Variants in SLC16A6 observed in about 807,000 individuals in gnomAD.
SLC16A6 encodes monocarboxylate transporter 7.
In SLC16A6, 15 loss-of-function variants were observed where a neutral mutation model predicts 33.8. That is an observed-to-expected ratio of 0.44 (90% CI 0.30 to 0.68). The LOEUF (loss-of-function observed/expected upper bound fraction) is 0.68. SLC16A6 is among the 30% of genes least tolerant of loss of function. The pLI is 0.10. For missense variants in SLC16A6, 451 were observed against 661.5 expected (o/e 0.68, Z 3.49); for synonymous variants, 219 against 248.4 (o/e 0.88, Z 1.11).
rs139160747 is a variant in SLC16A6 at position 68,286,400 on chromosome 17, G to A, written c.-8+4686C>T. ...AAAATCTTACTCATTTTGTAAAATC[G>A]GGAAACTGATCCCCAAGAGGTGAAG... is the stretch of plus-strand genomic sequence containing the variant. On this transcript the variant is annotated intron_variant, in intron 1 of 5. Coordinates refer to ENST00000580666, the MANE Select transcript of SLC16A6 (RefSeq NM_004694.5). Among the ~76,000 whole-genome samples the A allele has an allele frequency of 3.9e-3, 590 of 152,236 alleles. 4 individuals are homozygous for A. The highest frequency in any genetic ancestry group is 4.6e-3 in the Non-Finnish European group (311 of 68,012).
chr17:68,276,659 G>T (rs539145317), intron 2 of SLC16A6, among the ~76,000 whole-genome samples: 2 of 152,172 alleles, frequency 1.3e-5, no homozygotes, highest in East Asian at 3.9e-4. Context: ...TTGCTATGTT[G>T]CCCAGGCTAG....
At chr17:68,287,279 A>G (rs1194046619) in intron 1 of SLC16A6, among the ~76,000 whole-genome samples, 3 of 151,114 alleles carry the variant, frequency 2.0e-5, no homozygotes, top group African/African-American at 7.3e-5. Flanking sequence ...TCTAAACGAT[A>G]GTGCTGGGAT....
At position 68,282,779 on chromosome 17, in the gene SLC16A6, T is replaced by TAAAAAAAAAAAAAAAAAAAAA. The variant is rs36155626; in HGVS notation, c.-7-4473_-7-4453dup. 1.8e-3 allele frequency among the ~76,000 whole-genome samples: 96 copies of TAAAAAAAAAAAAAAAAAAAAA among 53,384 alleles called. 8 individuals are homozygous for TAAAAAAAAAAAAAAAAAAAAA. The highest frequency in any genetic ancestry group is 6.1e-3 in the African/African-American group (66 of 10,772). 35.0% of individuals were successfully genotyped at this position (53,384 alleles called of 152,430 possible). ...CAACATAGTGAAACCCCATCTCTAC[T>TAAAAAAAAAAAAAAAAAAAAA]AAAAAAAAAAAAAAAAAAAAAGGCC... On this transcript the variant is annotated intron_variant, in intron 1 of 5. Coordinates refer to ENST00000580666, the MANE Select transcript of SLC16A6 (RefSeq NM_004694.5).
rs141560525 is a variant in SLC16A6, at chr17:68,273,369, C to T, written c.376+558G>A. 2.3e-3 allele frequency among the ~76,000 whole-genome samples: 347 copies of T among 152,120 alleles called. 3 individuals carry two copies. Among genetic ancestry groups the T allele is most frequent in the African/African-American group, 8.0e-3 (332 of 41,494 alleles). On this transcript the variant is annotated intron_variant, in intron 3 of 5. Transcript: ENST00000580666. ...ATGGTTACAGCTGGGACCACAGGCA[C>T]GCACCACCACGCTTGGCTAGTTTTT... is the stretch of plus-strand genomic sequence containing the variant.
chr17:68,274,862 C>A (rs1555750387), intron 2 of SLC16A6, among the ~76,000 whole-genome samples: 1 of 150,686 alleles, frequency 6.6e-6, no homozygotes, highest in African/African-American at 2.4e-5. Flanking sequence ...CTCACTGCAA[C>A]CTCCACCTCC....
rs782595962 is a variant in SLC16A6, at chr17:68,271,064, C to T, written c.1096G>A (p.Val366Ile). 16 of 1,614,020 alleles carry T rather than the reference C, an allele frequency of 9.9e-6. No individual in the cohort carries two copies. The highest frequency in any genetic ancestry group is 1.6e-4 in the Middle Eastern group (1 of 6,084). The change falls in exon 5 of 6, where the codon GTC becomes ATC. Residue 366 changes from valine to isoleucine, a missense_variant. Around this residue, in one of 2 missense-constraint regions of SLC16A6, gnomAD observed 405 missense variants for 510.7 expected, o/e 0.79. Coordinates refer to ENST00000580666, the MANE Select transcript of SLC16A6 (RefSeq NM_004694.5). The surrounding 1 kb of genome is among the most constrained non-coding windows in gnomAD (Gnocchi z 5.3). ...AACAGAGACACAGTCAATAAGATGA[C>T]GCAGATGAGCTCAATGTAAATCTTA... Reference protein sequence around the residue: ...IRKIYIELICVILLTVSLFAF... With the variant: ...IRKIYIELICIILLTVSLFAF...
At chr17:68,290,854 G>A (rs561821246) in intron 1 of SLC16A6, among the ~76,000 whole-genome samples, 39 of 152,296 alleles carry the variant, frequency 2.6e-4, no homozygotes, top group African/African-American at 9.1e-4. Flanking sequence ...CAGGGTCACG[G>A]ACATTCAACT....
chr17:68,272,259 T>C (rs2075367335), intron 4 of SLC16A6, among the ~76,000 whole-genome samples: 1 of 152,194 alleles, frequency 6.6e-6, no homozygotes, highest in South Asian at 2.1e-4. Flanking sequence ...TTTGAGATGA[T>C]CTACACACAG....
intron 1 of SLC16A6, among the ~76,000 whole-genome samples, chr17:68,280,937 C>A (rs550869821): frequency 5.3e-5 from 8 of 152,130 alleles, no homozygotes; most frequent in African/African-American, 1.9e-4. Context: ...CCAGCCTGGG[C>A]AACATGGTGA....
At chr17:68,291,381 C>G (rs1952047590), upstream of SLC16A6, 3 of 148,214 alleles carry the variant, frequency 2.0e-5, no homozygotes, top group South Asian at 6.6e-4. Flanking sequence ...CTGCCTAGCT[C>G]TTATCCTATA....
intron 5 of SLC16A6, 52 bp downstream of exon 5, chr17:68,270,787 C>A: frequency 9.6e-6 from 14 of 1,462,018 alleles, no homozygotes; most frequent in Non-Finnish European, 1.3e-5. Flanking sequence ...GAAGCTAGCA[C>A]AATTCACAAG....
At chr17:68,270,051 A>G (rs1417522786) in intron 5 of SLC16A6, among the ~76,000 whole-genome samples, 1 of 152,200 alleles carries the variant, frequency 6.6e-6, no homozygotes, top group Non-Finnish European at 1.5e-5. Context: ...CTAAGATATG[A>G]AACATACCTA....
intron 1 of SLC16A6, among the ~76,000 whole-genome samples, chr17:68,282,779 T>TAAAAAAAAAA (rs36155626): frequency 1.7e-4 from 9 of 53,402 alleles, no homozygotes; most frequent in African/African-American, 4.6e-4. Flanking sequence ...CCATCTCTAC[T>TAAAAAAAAAA]AAAAAAAAAA....
At chr17:68,280,998 C>A (rs1220864580) in intron 1 of SLC16A6, among the ~76,000 whole-genome samples, 1 of 151,880 alleles carries the variant, frequency 6.6e-6, no homozygotes, top group East Asian at 1.9e-4. Flanking sequence ...TGGTGGCACA[C>A]ACCTGTAGTC....
chr17:68,272,022 C>T (rs1277238475), intron 4 of SLC16A6, among the ~76,000 whole-genome samples: 2 of 152,080 alleles, frequency 1.3e-5, no homozygotes, highest in Non-Finnish European at 2.9e-5. Context: ...AGGATGGTCT[C>T]GATCTCCTGA....
intron 2 of SLC16A6, among the ~76,000 whole-genome samples, chr17:68,277,365 C>T (rs186700885): frequency 1.3e-5 from 2 of 151,986 alleles, no homozygotes; most frequent in Admixed American, 6.6e-5. Flanking sequence ...TTCCTGACCT[C>T]GTGATCCACC....
At chr17:68,279,405 A>G (rs1268475434) in intron 1 of SLC16A6, among the ~76,000 whole-genome samples, 1 of 152,104 alleles carries the variant, frequency 6.6e-6, no homozygotes, top group African/African-American at 2.4e-5. Context: ...CACAGACACA[A>G]TGTCACTATA....
chr17:68,291,372 T>G (rs2075981816), upstream of SLC16A6: 1 of 140,028 alleles, frequency 7.1e-6, no homozygotes, highest in African/African-American at 2.6e-5. Flanking sequence ...CCCGCGTCGC[T>G]GCCTAGCTCT....
Position 68,271,609 on chromosome 17 carries a change from A to G in SLC16A6, c.551T>C (p.Leu184Pro), listed in dbSNP as rs782684229. 3 of 1,613,990 alleles carry G rather than the reference A, an allele frequency of 1.9e-6. No individual in the cohort carries two copies. The highest frequency in any genetic ancestry group is 2.5e-6 in the Non-Finnish European group (3 of 1,179,838). Residue 184 changes from leucine (L) to proline (P), a missense_variant, in exon 5 of 6, where the codon CTC becomes CCC. Leu to Pro is a moderately conservative substitution (Grantham distance 98). Coordinates refer to ENST00000580666, the MANE Select transcript of SLC16A6 (RefSeq NM_004694.5). The surrounding 1 kb of genome is among the most constrained non-coding windows in gnomAD (Gnocchi z 5.3). ...KERIGWRYSL[L>P]FVGLLQLNIV... is the part of the protein sequence containing the mutation. Reference sequence around the variant, plus strand: ...GTTTAACTGTAGTAGGCCCACGAAGAGGAGGCTGTATCTCCAGCCAATGCG... The same window carrying G: ...GTTTAACTGTAGTAGGCCCACGAAGGGGAGGCTGTATCTCCAGCCAATGCG...
Sources: gnomAD v4.1 joint callset for allele counts (sites outside exome capture counted in the v4.1 genomes callset) on GRCh38, gnomAD v4.1.1 for gene constraint, gnomAD v4.1.1 regional missense constraint, Gnocchi (gnomAD v3.1) non-coding constraint, MANE v1.5 for transcripts, NCBI Gene and HGNC (gene_info 2026-07-23, HGNC 2026-07-21) for gene names.